NOMO3: variants seen among roughly 807,000 people sequenced by gnomAD.
The protein encoded by NOMO3 is NODAL modulator 3, also known as BOS complex subunit NOMO3.
A neutral mutation model predicts 69.9 loss-of-function variants in NOMO3; 15 were observed. That is an observed-to-expected ratio of 0.21 (90% CI 0.14 to 0.33). The LOEUF is 0.33. Among genes scored for constraint, NOMO3 ranks in the 10% least tolerant of loss-of-function variants. NOMO3 has a pLI of 1.00. For synonymous variants in NOMO3, 89 were observed against 301.9 expected, an observed-to-expected ratio of 0.29 and a Z score of 7.31; for missense variants, 218 against 761.0, an observed-to-expected ratio of 0.29 and a Z score of 8.39.
rs1400727096 is a variant in NOMO3, at chr16:16,257,489, C to G, written c.1220+1331C>G. ...AGGTTTCAGATTTGGCCACATTGGT[C>G]TGTAGGACCACTAGGTGGAGCTCTT... On this transcript the variant is annotated intron_variant, in intron 11 of 30. Coordinates refer to ENST00000399336, the MANE Select transcript of NOMO3 (RefSeq NM_001004067.4). Among the ~76,000 whole-genome samples the G allele has an allele frequency of 1.5e-5, 2 of 130,188 alleles. 1 individual carries two copies. Among genetic ancestry groups the G allele is most frequent in the Non-Finnish European group, 3.1e-5 (2 of 64,362 alleles). The allele number at this position is 130,188 out of a possible 152,430, so 85.4% of individuals were successfully genotyped here. A position where few individuals can be genotyped will look rare whatever the true frequency, so the allele number is the denominator to read the frequency against.
At chr16:16,263,351 A>G in intron 13 of NOMO3, 136 bp downstream of exon 13, 2 of 1,577,588 alleles carry the variant, frequency 1.3e-6, no homozygotes, top group Admixed American at 1.7e-5. Flanking sequence ...TCTTGGAGTC[A>G]GGTGGGTACA....
rs976538416 is a variant in NOMO3 at position 16,267,448 on chromosome 16, T to A, written c.1894+317T>A. On this transcript the variant is annotated intron_variant, in intron 16 of 30. Transcript: ENST00000399336. Reference sequence around the variant, plus strand: ...TTCTCATTTTTTTTTTCTCTTTCTTTTTTTGAGATGGAGTCTTGCTCTGTC... The same window carrying A: ...TTCTCATTTTTTTTTTCTCTTTCTTATTTTGAGATGGAGTCTTGCTCTGTC... 41 of 390,280 alleles carry A rather than the reference T, an allele frequency of 1.1e-4. 1 individual carries two copies. The highest frequency in any genetic ancestry group is 1.8e-4 in the Admixed American group (4 of 22,534). 24.2% of individuals were successfully genotyped at this position (390,280 alleles called of 1,614,324 possible).
At position 16,243,366 on chromosome 16, in the gene NOMO3, C is replaced by G. The variant is rs2049389999; in HGVS notation, c.402+105C>G. The G allele has an allele frequency of 3.4e-6, 2 of 591,002 alleles. 1 individual carries two copies. The highest frequency in any genetic ancestry group is 6.1e-5 in the Admixed American group (2 of 32,592). The allele number at this position is 591,002 out of a possible 1,614,324, so 36.6% of individuals were successfully genotyped here. On this transcript the variant is annotated intron_variant, in intron 4 of 30. Transcript: ENST00000399336. ...TTTTAACCTGGGGACTTTGATCCCA[C>G]AAGGGACCCATGGATAAGTGGCAAG...
At chr16:16,252,245 A>G in intron 8 of NOMO3, 145 bp downstream of exon 8, 2 of 1,539,052 alleles carry the variant, frequency 1.3e-6, no homozygotes, top group Non-Finnish European at 1.8e-6. Context: ...TTAAGATGAG[A>G]CACTCACCCC....
chr16:16,258,206 G>A lies in NOMO3; in HGVS notation c.1220+2048G>A, dbSNP rs147081423. ...AACCTGGTCTAAAAATAAATAAAGA[G>A]ATAAAAATTAAAAAATAACAAGATT... On this transcript the variant is annotated intron_variant, in intron 11 of 30. Coordinates refer to ENST00000399336, the MANE Select transcript of NOMO3 (RefSeq NM_001004067.4). 4.6e-3 allele frequency among the ~76,000 whole-genome samples: 654 copies of A among 142,142 alleles called. 133 individuals are homozygous for A. The highest frequency in any genetic ancestry group is 0.017 in the African/African-American group (584 of 34,792). The allele number at this position is 142,142 out of a possible 152,430, so 93.3% of individuals were successfully genotyped here. A position where few individuals can be genotyped will look rare whatever the true frequency, so the allele number is the denominator to read the frequency against.
intron 4 of NOMO3, among the ~76,000 whole-genome samples, chr16:16,244,511 CT>C (rs1203597061): frequency 0.13 from 6,882 of 52,484 alleles, 764 homozygotes; most frequent in South Asian, 0.24. Context: ...TGTACATTTA[CT>C]TTTTTTTTTT....
At chr16:16,258,881 G>T (rs1424995639) in intron 11 of NOMO3, among the ~76,000 whole-genome samples, 1 of 142,614 alleles carries the variant, frequency 7.0e-6, no homozygotes, top group African/African-American at 2.9e-5. Flanking sequence ...AAAAAAAAGA[G>T]TTATCAGTTG....
At chr16:16,251,673 G>C (rs1227823240) in intron 7 of NOMO3, 1 of 374,190 alleles carries the variant, frequency 2.7e-6, no homozygotes, top group Admixed American at 4.5e-5. Flanking sequence ...GCGACCCTGG[G>C]CCGGTCACAT....
chr16:16,259,465 C>T (rs1370744656), intron 11 of NOMO3, among the ~76,000 whole-genome samples: 1 of 137,406 alleles, frequency 7.3e-6, no homozygotes, highest in Non-Finnish European at 1.5e-5. Context: ...TCTCCTGCCC[C>T]AGCCTCCTGA....
chr16:16,235,832 A>G, intron 1 of NOMO3: 1 of 442,702 alleles, frequency 2.3e-6, no homozygotes, highest in Non-Finnish European at 4.5e-6. Flanking sequence ...CTTTGAATCC[A>G]TATTCTGTAG....
At chr16:16,258,201 A>T (rs926154828) in intron 11 of NOMO3, among the ~76,000 whole-genome samples, 3 of 142,900 alleles carry the variant, frequency 2.1e-5, no homozygotes, top group African/African-American at 8.6e-5. Flanking sequence ...AAAAATAAAT[A>T]AAGAGATAAA....
rs745319461 is a variant in NOMO3 at position 16,288,184 on chromosome 16, GAAACAAAACA to G, written c.3444+349_3444+358del. On this transcript the variant is annotated intron_variant, in intron 29 of 30. Coordinates refer to ENST00000399336, the MANE Select transcript of NOMO3 (RefSeq NM_001004067.4). Reference sequence around the variant, plus strand: ...ACAGAGTGAGACCCTTTCTCCAGAAGAAACAAAACAAAACAAAACAAAACAAAACAAAACA... The same window carrying G: ...ACAGAGTGAGACCCTTTCTCCAGAAGAAACAAAACAAAACAAAACAAAACA... 1.2e-3 allele frequency among the ~76,000 whole-genome samples: 111 copies of G among 93,932 alleles called. 23 individuals are homozygous for G. The highest frequency in any genetic ancestry group is 2.0e-3 in the Non-Finnish European group (95 of 47,258). 61.6% of individuals were successfully genotyped at this position (93,932 alleles called of 152,430 possible).
At position 16,237,050 on chromosome 16, in the gene NOMO3, C is replaced by T. The variant is rs1596796890; in HGVS notation, c.255+60C>T. The T allele has an allele frequency of 1.9e-6, 3 of 1,587,518 alleles. No homozygotes were observed. The African/African-American group carries it at 4.5e-5, about 24-fold the overall frequency. On this transcript the variant is annotated intron_variant, in intron 2 of 30. Transcript: ENST00000399336. ...GTCACTAGTGTGCCTCACCAGGCTGCATTAACCATGTCCTTTCCTACACTA... is the reference window on the plus strand; with the variant it reads ...GTCACTAGTGTGCCTCACCAGGCTGTATTAACCATGTCCTTTCCTACACTA...
At chr16:16,237,969 G>T (rs1950046083) in intron 2 of NOMO3, among the ~76,000 whole-genome samples, 1 of 143,936 alleles carries the variant, frequency 6.9e-6, no homozygotes, top group African/African-American at 2.8e-5. Context: ...CATGCACATC[G>T]ATATGTATCC....
chr16:16,244,137 C>A (rs2049397132), intron 4 of NOMO3, among the ~76,000 whole-genome samples: 1 of 142,182 alleles, frequency 7.0e-6, no homozygotes, highest in South Asian at 2.3e-4. Context: ...GATGTGCTTC[C>A]TTCCTTCCTG....
chr16:16,274,482 T>A (rs1407218324), intron 20 of NOMO3, among the ~76,000 whole-genome samples: 46 of 33,144 alleles, frequency 1.4e-3, no homozygotes, highest in African/African-American at 7.4e-3. Context: ...GATGGGAGGG[T>A]CTTTTTTTGG....
rs542458359 is a variant in NOMO3, at chr16:16,241,442, G to A, written c.301+1546G>A. ...TTATTTTTTTCTTTTTTTTGAGACT[G>A]AGTCTCGCTCTGTTGCCCAGGCTGG... On this transcript the variant is annotated intron_variant, in intron 3 of 30. Transcript: ENST00000399336. 5.1e-5 allele frequency among the ~76,000 whole-genome samples: 7 copies of A among 136,340 alleles called. 2 individuals are homozygous for A. The highest frequency in any genetic ancestry group is 1.5e-4 in the African/African-American group (5 of 32,768). 89.4% of individuals were successfully genotyped at this position (136,340 alleles called of 152,430 possible).
chr16:16,257,669 T>C (rs1335732205), intron 11 of NOMO3, among the ~76,000 whole-genome samples: 2 of 142,558 alleles, frequency 1.4e-5, no homozygotes, highest in Non-Finnish European at 3.0e-5. Flanking sequence ...CCTGAGGTCA[T>C]AGGAGCTAAG....
intron 1 of NOMO3, among the ~76,000 whole-genome samples, chr16:16,234,971 G>A (rs2049315120): frequency 6.6e-6 from 1 of 152,072 alleles, no homozygotes; most frequent in Non-Finnish European, 1.5e-5. Context: ...CCTTTTGGAT[G>A]AATGTCCCTT....
Sources: gnomAD v4.1 joint callset for allele counts (sites outside exome capture counted in the v4.1 genomes callset) on GRCh38, gnomAD v4.1.1 for gene constraint, MANE v1.5 for transcripts, NCBI Gene and HGNC (gene_info 2026-07-23, HGNC 2026-07-21) for gene names.